Variants in FOXJ3 observed in about 807,000 individuals in gnomAD.
FOXJ3 encodes the protein forkhead box protein J3.
FOXJ3 carries 22 observed loss-of-function variants against 76.1 expected under a neutral mutation model. The ratio of observed to expected loss-of-function variants is 0.29; its 90% CI spans 0.21 to 0.41. The LOEUF is 0.41. Among genes scored for constraint, FOXJ3 ranks in the 10% least tolerant of loss-of-function variants. FOXJ3 has a pLI of 1.00. For synonymous variants in FOXJ3, 269 were observed against 261.2 expected (o/e 1.03, Z -0.29); for missense variants, 613 against 762.1 (o/e 0.80, Z 2.30).
chr1:42,202,374 C>G (rs672072), intron 6 of FOXJ3, among the ~76,000 whole-genome samples: 1 of 151,664 alleles, frequency 6.6e-6, no homozygotes, highest in Non-Finnish European at 1.5e-5. Context: ...ATTTCTGGGT[C>G]AGTTGTGACT....
chr1:42,214,621 T>C lies in FOXJ3; in HGVS notation c.529-8758A>G, dbSNP rs151302170. Among the ~76,000 whole-genome samples the C allele has an allele frequency of 1.2e-4, 19 of 152,244 alleles. No homozygotes were observed. In the East Asian group the frequency reaches 2.7e-3, roughly 22 times the overall value. On this transcript the variant is annotated intron_variant, in intron 5 of 12. Transcript: ENST00000361346. ...TGAGCATTCCAAAGGGTAAATACAA[T>C]AGGCAGGTTGGGAAGGTAAGTCAAA...
intron 1 of FOXJ3, among the ~76,000 whole-genome samples, chr1:42,334,493 G>A (rs1326582768): frequency 1.3e-5 from 2 of 152,262 alleles, no homozygotes; most frequent in Admixed American, 1.3e-4. Context: ...CGCATGGAAC[G>A]GCTGCCTTTG....
At chr1:42,226,558 A>C (rs1343237900) in intron 5 of FOXJ3, among the ~76,000 whole-genome samples, 1 of 152,162 alleles carries the variant, frequency 6.6e-6, no homozygotes, top group Non-Finnish European at 1.5e-5. Flanking sequence ...CAGTGAGCTG[A>C]GATCATGCCA....
intron 11 of FOXJ3, among the ~76,000 whole-genome samples, chr1:42,184,422 T>C (rs963077773): frequency 3.3e-5 from 5 of 152,152 alleles, no homozygotes; most frequent in Non-Finnish European, 2.9e-5. Context: ...TGTAATTCCA[T>C]CATATGCGTA....
chr1:42,271,835 C>G (rs1156663946), intron 3 of FOXJ3, among the ~76,000 whole-genome samples: 1 of 151,630 alleles, frequency 6.6e-6, no homozygotes, highest in African/African-American at 2.4e-5. Flanking sequence ...TTATTTTTTA[C>G]TTTGTGGAGA....
chr1:42,282,529 CATATGCTT>C (rs1388219379), intron 2 of FOXJ3, among the ~76,000 whole-genome samples: 14 of 152,184 alleles, frequency 9.2e-5, no homozygotes, highest in Non-Finnish European at 1.9e-4. Context: ...ATAGTTGAAT[CATATGCTT>C]AAGCTTTCTA....
At chr1:42,326,032 C>G (rs1292985822) in intron 1 of FOXJ3, among the ~76,000 whole-genome samples, 4 of 152,156 alleles carry the variant, frequency 2.6e-5, no homozygotes, top group African/African-American at 9.7e-5. Context: ...AGGCGGATCA[C>G]ATGAGGTCTG....
At position 42,291,812 on chromosome 1, in the gene FOXJ3, G is replaced by C. The variant is rs1653455013; in HGVS notation, c.45-13140C>G. On this transcript the variant is annotated intron_variant, in intron 2 of 12. Coordinates refer to ENST00000361346, the MANE Select transcript of FOXJ3 (RefSeq NM_014947.5). The stretch of plus-strand genomic sequence containing the variant: ...TGGAGGGGATGAACCAACAGGACTT[G>C]TATCCAGAAAATATAAAGAACTCTC... Among the ~76,000 whole-genome samples the C allele has an allele frequency of 3.3e-5, 5 of 152,238 alleles. 1 individual carries two copies. The South Asian group carries it at 1.0e-3, about 32-fold the overall frequency.
chr1:42,229,925 T>A (rs988272900), intron 4 of FOXJ3, among the ~76,000 whole-genome samples: 7 of 152,214 alleles, frequency 4.6e-5, no homozygotes, highest in Non-Finnish European at 1.0e-4. Flanking sequence ...TGGATGGGTG[T>A]GTATATGTGT....
chr1:42,325,341 T>G (rs992346813), intron 1 of FOXJ3, among the ~76,000 whole-genome samples: 18 of 152,182 alleles, frequency 1.2e-4, no homozygotes, highest in Non-Finnish European at 2.2e-4. Context: ...CTAAATCCAT[T>G]AAGTTCTTTG....
At chr1:42,251,703 A>C (rs945047024) in intron 4 of FOXJ3, among the ~76,000 whole-genome samples, 1 of 117,904 alleles carries the variant, frequency 8.5e-6, no homozygotes, top group Non-Finnish European at 1.6e-5. Flanking sequence ...TCGGTTTGCC[A>C]GTATTTTTTT....
At chr1:42,324,111 C>CTGTATATACACTGTGTATATAT (rs1557725945) in intron 1 of FOXJ3, among the ~76,000 whole-genome samples, 1 of 27,520 alleles carries the variant, frequency 3.6e-5, no homozygotes, top group South Asian at 1.2e-3. Context: ...TGTGTATATA[C>CTGTATATACACTGTGTATATAT]ACTGTATATA....
chr1:42,327,642 G>A (rs1012943428), intron 1 of FOXJ3, among the ~76,000 whole-genome samples: 2 of 151,780 alleles, frequency 1.3e-5, no homozygotes, highest in East Asian at 3.9e-4. Context: ...ACACAATAGT[G>A]CTAATTGGAA....
At chr1:42,298,648 T>A (rs1160185502) in intron 2 of FOXJ3, among the ~76,000 whole-genome samples, 1 of 152,216 alleles carries the variant, frequency 6.6e-6, no homozygotes, top group African/African-American at 2.4e-5. Flanking sequence ...ATCATTTTTT[T>A]ATCTCATTTA....
At chr1:42,296,636 T>C (rs1653808143) in intron 2 of FOXJ3, among the ~76,000 whole-genome samples, 2 of 152,254 alleles carry the variant, frequency 1.3e-5, no homozygotes, top group South Asian at 4.1e-4. Context: ...GCTTTATTTC[T>C]AGGCTCTCTA....
chr1:42,256,230 T>C (rs754128681), intron 4 of FOXJ3, among the ~76,000 whole-genome samples: 1 of 152,194 alleles, frequency 6.6e-6, no homozygotes, highest in African/African-American at 2.4e-5. Flanking sequence ...ATTGATAAAT[T>C]AGACCTCACC....
At chr1:42,299,506 G>C (rs72954213) in intron 2 of FOXJ3, among the ~76,000 whole-genome samples, 77 of 148,634 alleles carry the variant, frequency 5.2e-4, no homozygotes, top group Admixed American at 3.6e-3. Flanking sequence ...CAGTGTGTGT[G>C]GGGGGGTCTC....
intron 7 of FOXJ3, among the ~76,000 whole-genome samples, chr1:42,195,678 C>T (rs901168512): frequency 4.6e-5 from 7 of 152,202 alleles, no homozygotes; most frequent in Non-Finnish European, 7.3e-5. Flanking sequence ...GGGTGGTAAA[C>T]TACCATTTGT....
At chr1:42,197,700 T>G (rs1026035909) in intron 7 of FOXJ3, among the ~76,000 whole-genome samples, 6 of 151,196 alleles carry the variant, frequency 4.0e-5, no homozygotes, top group Admixed American at 6.6e-5. Context: ...AAGAAAGAAA[T>G]AACAGTCTCG....
Sources: gnomAD v4.1 joint callset for allele counts (sites outside exome capture counted in the v4.1 genomes callset) on GRCh38, gnomAD v4.1.1 for gene constraint, MANE v1.5 for transcripts, NCBI Gene and HGNC (gene_info 2026-07-23, HGNC 2026-07-21) for gene names.